Variants in KIF7 observed in about 807,000 individuals in gnomAD.
KIF7 encodes kinesin-like protein KIF7.
A neutral mutation model predicts 135.7 loss-of-function variants in KIF7; 104 were observed. That is an observed-to-expected ratio of 0.77 (90% CI 0.65 to 0.90). The LOEUF (loss-of-function observed/expected upper bound fraction) is 0.90. Ranked by LOEUF, KIF7 falls within the 40% of genes least tolerant of loss-of-function variation. The pLI, the probability that KIF7 is intolerant of heterozygous loss-of-function variation, is 0.00. For missense variants in KIF7, 2,005 were observed against 1,839.1 expected, an observed-to-expected ratio of 1.09 and a Z score of -1.65; for synonymous variants, 883 against 809.4, an observed-to-expected ratio of 1.09 and a Z score of -1.54.
At position 89,648,330 on chromosome 15, in the gene KIF7, G is replaced by T. The variant is rs958419453; in HGVS notation, c.1368C>A (p.Ser456=). 39 of 1,505,298 alleles carry T rather than the reference G, an allele frequency of 2.6e-5. No homozygotes were observed. The highest frequency in any genetic ancestry group is 3.4e-5 in the Non-Finnish European group (38 of 1,128,972). The allele number at this position is 1,505,298 out of a possible 1,614,324, so 93.2% of individuals were successfully genotyped here. Residue 456 remains serine (S), a synonymous_variant, in exon 5 of 19, where the codon TCC becomes TCA. Transcript: ENST00000394412. Reference sequence around the variant, plus strand: ...CGATGCCGCTATCGGGCCCGGAGGCGGAGCTCAGGGCGCTGCGCTCGCCCT... The same window carrying T: ...CGATGCCGCTATCGGGCCCGGAGGCTGAGCTCAGGGCGCTGCGCTCGCCCT... ...AVEGERSALS[S]ASGPDSGIES...
rs561782139 is a variant in KIF7 at position 89,649,706 on chromosome 15, C to T, written c.529+35G>A. 21 of 1,546,594 alleles carry T rather than the reference C, an allele frequency of 1.4e-5. No homozygotes were observed. The South Asian group carries it at 2.4e-4, about 18-fold the overall frequency. On this transcript the variant is annotated intron_variant, in intron 3 of 18. Transcript: ENST00000394412. The stretch of plus-strand genomic sequence containing the variant: ...CAAACAGGTGAAGCCCCCCTAAGCC[C>T]CTCTCCGTCAGTGGAGGACCCCAGA...
Position 89,647,015 on chromosome 15 carries a change from G to C in KIF7, c.1603C>G (p.Arg535Gly). Residue 535 changes from arginine (R) to glycine (G), a missense_variant, in exon 7 of 19, where the codon CGG (arginine) becomes GGG (glycine). By Grantham distance (125) the Arg-to-Gly change is moderately radical. Coordinates refer to ENST00000394412, the MANE Select transcript of KIF7 (RefSeq NM_198525.3). ...REQQEEMVEL[R>G]LRLELVRPGW... ...GGCCGCACCAGCTCTAACCGCAGCC[G>C]CAGTTCCACCATCTCCTCCTGCTGC... 1.9e-6 allele frequency: 3 copies of C among 1,610,656 alleles called. No homozygotes were observed. The South Asian group carries it at 3.3e-5, about 18-fold the overall frequency.
chr15:89,633,687 T>G lies in KIF7; in HGVS notation c.2591A>C (p.Lys864Thr), dbSNP rs1313079618. ...AEMSKRQHRV[K>T]ELELKHEQQQ... ...TCCCCACCCTGCCGTGAGCCTGACC[T>G]TGACGCGGTGCTGCCGCTTGCTCAT... The change falls in exon 12 of 19, where the codon AAG becomes ACG. Residue 864 changes from lysine to threonine, a missense_variant and splice_region_variant. Transcript: ENST00000394412. 1 of 1,606,654 alleles carries G rather than the reference T, an allele frequency of 6.2e-7. No homozygotes were observed. Among genetic ancestry groups the G allele is most frequent in the Admixed American group, 1.7e-5 (1 of 59,952 alleles).
At position 89,633,248 on chromosome 15, in the gene KIF7, C is replaced by T. The variant is rs144359873; in HGVS notation, c.2611G>A (p.Glu871Lys). The change falls in exon 13 of 19, where the codon GAG becomes AAG. Residue 871 changes from glutamate (E) to lysine (K), a missense_variant. Transcript: ENST00000394412. ...ATCTTCAGGATCTTCTGCTGTTGCT[C>T]ATGCTTCAGCTCCAGCTCCTGGGTG... Reference protein sequence around the residue: ...HRVKELELKHEQQQKILKIKT... With the variant: ...HRVKELELKHKQQQKILKIKT... 1.2e-5 allele frequency: 19 copies of T among 1,576,476 alleles called. No individual in the cohort carries two copies. The highest frequency in any genetic ancestry group is 1.2e-4 in the South Asian group (10 of 86,692).
intron 13 of KIF7, 25 bp downstream of exon 13, chr15:89,633,116 G>C: frequency 6.2e-7 from 1 of 1,601,470 alleles, no homozygotes; most frequent in Non-Finnish European, 8.5e-7. Flanking sequence ...GGGGAGCCCT[G>C]GGTGCGGACA....
intron 11 of KIF7, among the ~76,000 whole-genome samples, chr15:89,634,335 G>A (rs1157427199): frequency 2.0e-5 from 3 of 152,146 alleles, no homozygotes; most frequent in East Asian, 1.9e-4. Flanking sequence ...CAAGATGGCC[G>A]AATAGGAACA....
chr15:89,633,950 A>C, intron 11 of KIF7, 67 bp from the exon 12 acceptor site: 2 of 1,566,934 alleles, frequency 1.3e-6, no homozygotes, highest in Non-Finnish European at 1.8e-6. Flanking sequence ...AGTGCTGGGC[A>C]CTCAACAAGG....
chr15:89,639,177 C>G (rs1963869990), intron 11 of KIF7, among the ~76,000 whole-genome samples: 1 of 152,098 alleles, frequency 6.6e-6, no homozygotes, highest in Non-Finnish European at 1.5e-5. Flanking sequence ...AGACCTAAAA[C>G]CATAAAAACT....
intron 1 of KIF7, chr15:89,619,875 C>T (rs1963396220): frequency 5.7e-6 from 9 of 1,567,402 alleles, no homozygotes; most frequent in South Asian, 1.2e-5. Flanking sequence ...TTCACAAGTC[C>T]GTGCTGACTT....
rs140425661 is a variant in KIF7, at chr15:89,622,311, C to A, written c.181-4116G>T. Reference sequence around the variant, plus strand: ...TACAAACTGACTCTTGTACCCACCCCCTCTTCTCCCCTACTGCAATTCCTA... The same window carrying A: ...TACAAACTGACTCTTGTACCCACCCACTCTTCTCCCCTACTGCAATTCCTA... On this transcript the variant is annotated intron_variant and NMD_transcript_variant, in intron 1 of 2. Transcript: ENST00000558928. Among the ~76,000 whole-genome samples, 715 of 152,128 alleles carry A rather than the reference C, an allele frequency of 4.7e-3. 10 individuals are homozygous for A. Among genetic ancestry groups the A allele is most frequent in the African/African-American group, 0.016 (683 of 41,430 alleles).
In KIF7 at chr15:89,632,945, G is replaced by C. The variant is rs372338933; in HGVS notation, c.2770C>G (p.Gln924Glu). The C allele has an allele frequency of 1.3e-6, 2 of 1,581,720 alleles. No individual in the cohort carries two copies. Among genetic ancestry groups the C allele is most frequent in the Non-Finnish European group, 1.7e-6 (2 of 1,166,026 alleles). Reference sequence around the variant, plus strand: ...AGCTCCTCCAGCGCCCGCCGCTGCTGTAGCACCTTCTCCATCTCCTGGTCC... The same window carrying C: ...AGCTCCTCCAGCGCCCGCCGCTGCTCTAGCACCTTCTCCATCTCCTGGTCC... ...WLDQEMEKVLQQRRALEELGE... is the reference protein window; with the variant it reads ...WLDQEMEKVLEQRRALEELGE... Residue 924 changes from glutamine to glutamate, a missense_variant, in exon 14 of 19, where the codon CAG becomes GAG. By Grantham distance (29) the Gln-to-Glu change is conservative. Coordinates refer to ENST00000394412, the MANE Select transcript of KIF7 (RefSeq NM_198525.3).
upstream of KIF7, among the ~76,000 whole-genome samples, chr15:89,660,036 A>C (rs1385331507): frequency 6.6e-6 from 1 of 152,144 alleles, no homozygotes; most frequent in African/African-American, 2.4e-5. Flanking sequence ...ATCTCTACTG[A>C]AAATACAAAA....
chr15:89,662,228 G>A, the KIF7 span, among the ~76,000 whole-genome samples: 1 of 152,070 alleles, frequency 6.6e-6, no homozygotes, highest in East Asian at 1.9e-4. Context: ...CAGGCATGGT[G>A]GTTCACACCT....
intron 1 of KIF7, among the ~76,000 whole-genome samples, chr15:89,654,917 G>T (rs2142040296): frequency 6.6e-6 from 1 of 152,350 alleles, no homozygotes; most frequent in African/African-American, 2.4e-5. Flanking sequence ...TACCGTGTGG[G>T]CCTTCGCGCA....
rs1245826414 is a variant in KIF7, at chr15:89,652,644, G to A, written c.287C>T (p.Thr96Met). The A allele has an allele frequency of 9.1e-6, 14 of 1,546,822 alleles. No homozygotes were observed. The highest frequency in any genetic ancestry group is 2.5e-5 in the East Asian group (1 of 40,790). Reference protein sequence around the residue: ...FNATVFAYGQTGSGKTYTMGE... With the variant: ...FNATVFAYGQMGSGKTYTMGE... ...CATGGTGTATGTCTTCCCTGAGCCC[G>A]TCTGACCATAGGCAAAGACAGTGGC... Residue 96 changes from threonine (T) to methionine (M), a missense_variant, in exon 2 of 19, where the codon ACG becomes ATG. Thr to Met is a moderately conservative substitution (Grantham distance 81). Transcript: ENST00000394412.
intron 11 of KIF7, among the ~76,000 whole-genome samples, chr15:89,635,399 A>G (rs2142005469): frequency 6.6e-6 from 1 of 152,350 alleles, no homozygotes. Context: ...AGGAAATTCA[A>G]ACCAAAGGCA....
rs764831222 is a variant in KIF7, at chr15:89,645,421, C to A, written c.1953G>T (p.Ala651=). Residue 651 remains alanine, a synonymous_variant, in exon 9 of 19, where the codon GCG becomes GCT. Transcript: ENST00000394412. ...RNRISNCSQR[A]GARPGSLPER... is the part of the protein sequence containing the mutation. ...CTGGCAGACTCCCTGGGCGTGCCCCCGCCCTCTGACTGCAGTTGCTGATCC... is the reference window on the plus strand; with the variant it reads ...CTGGCAGACTCCCTGGGCGTGCCCCAGCCCTCTGACTGCAGTTGCTGATCC... 1.9e-6 allele frequency: 3 copies of A among 1,613,744 alleles called. No individual in the cohort carries two copies. Among genetic ancestry groups the A allele is most frequent in the Non-Finnish European group, 2.5e-6 (3 of 1,179,858 alleles).
At chr15:89,629,784 A>G in intron 16 of KIF7, 1 of 636,180 alleles carries the variant, frequency 1.6e-6, no homozygotes, top group East Asian at 2.8e-5. Flanking sequence ...CTTATCTGCT[A>G]TCTCTGCCAC....
intron 16 of KIF7, chr15:89,629,833 G>A (rs1963633345): frequency 7.0e-6 from 4 of 574,906 alleles, no homozygotes; most frequent in Non-Finnish European, 1.2e-5. Context: ...GCTGGGCAGA[G>A]CGTCAAGTTG....
Sources: allele counts gnomAD v4.1 joint callset (sites outside exome capture counted in the v4.1 genomes callset), GRCh38; gene constraint gnomAD v4.1.1; transcripts MANE v1.5; gene names NCBI Gene and HGNC (gene_info 2026-07-23, HGNC 2026-07-21).